Variants in CTNNA2 observed in about 807,000 individuals in gnomAD.
CTNNA2 encodes catenin alpha-2.
CTNNA2 carries 42 observed loss-of-function variants against 101.0 expected under a neutral mutation model. That is an observed-to-expected ratio of 0.42 (90% CI 0.32 to 0.54). The LOEUF (loss-of-function observed/expected upper bound fraction) is 0.54, where lower values mean the gene tolerates loss of function less well. Among genes scored for constraint, CTNNA2 ranks in the 20% least tolerant of loss-of-function variants. CTNNA2 has a pLI of 0.14. For synonymous variants in CTNNA2, 450 were observed against 456.4 expected (o/e 0.99, Z 0.18); for missense variants, 871 against 1,223.1 (o/e 0.71, Z 4.29).
At chr2:79,727,127 T>A (rs1212500797) in intron 2 of CTNNA2, among the ~76,000 whole-genome samples, 1 of 152,240 alleles carries the variant, frequency 6.6e-6, no homozygotes, top group Non-Finnish European at 1.5e-5. Flanking sequence ...TGAAAAATTG[T>A]TTTGCACATT....
chr2:79,464,522 T>C (rs1210657570), intron 4 of CTNNA2, among the ~76,000 whole-genome samples: 1 of 152,182 alleles, frequency 6.6e-6, no homozygotes, highest in Non-Finnish European at 1.5e-5. Context: ...CTGGGTCAAA[T>C]GGTATTTCTA....
At chr2:79,411,873 AG>A (rs1678415997) in intron 4 of CTNNA2, among the ~76,000 whole-genome samples, 1 of 152,184 alleles carries the variant, frequency 6.6e-6, no homozygotes, top group Admixed American at 6.6e-5. Context: ...TCATAATGAC[AG>A]AATCAAATTC....
chr2:80,566,800 G>C (rs1246111176), intron 12 of CTNNA2, among the ~76,000 whole-genome samples: 1 of 152,188 alleles, frequency 6.6e-6, no homozygotes, highest in African/African-American at 2.4e-5. Flanking sequence ...TCAAAGATCA[G>C]TGTGCATGCC....
At chr2:79,631,357 G>T (rs1176768576) in intron 1 of CTNNA2, among the ~76,000 whole-genome samples, 1 of 152,010 alleles carries the variant, frequency 6.6e-6, no homozygotes, top group Non-Finnish European at 1.5e-5. Flanking sequence ...CACTCATTTC[G>T]TATGTGAGGA....
intron 1 of CTNNA2, among the ~76,000 whole-genome samples, chr2:79,605,237 A>C (rs1294981551): frequency 2.6e-5 from 4 of 152,156 alleles, no homozygotes; most frequent in Non-Finnish European, 5.9e-5. Context: ...CTAGTGGTAG[A>C]TTCGCCATGA....
At chr2:79,272,993 T>A (rs978640477) in intron 2 of CTNNA2, among the ~76,000 whole-genome samples, 3 of 152,076 alleles carry the variant, frequency 2.0e-5, no homozygotes, top group Non-Finnish European at 4.4e-5. Flanking sequence ...AAAAGTATAA[T>A]GTTAGGTGGC....
chr2:79,287,246 C>T (rs1480638063), intron 2 of CTNNA2, among the ~76,000 whole-genome samples: 1 of 152,206 alleles, frequency 6.6e-6, no homozygotes, highest in Admixed American at 6.5e-5. Context: ...AAGCCTTCTT[C>T]TCTCAGCTCG....
At chr2:80,621,729 T>C (rs1356776147) in intron 18 of CTNNA2, among the ~76,000 whole-genome samples, 1 of 151,374 alleles carries the variant, frequency 6.6e-6, no homozygotes, top group East Asian at 2.0e-4. Flanking sequence ...AAGTAGGGAA[T>C]TGGTGAGTAT....
chr2:80,074,847 C>T (rs955955643), intron 7 of CTNNA2, among the ~76,000 whole-genome samples: 1 of 152,170 alleles, frequency 6.6e-6, no homozygotes, highest in Non-Finnish European at 1.5e-5. Context: ...CTAAGCCTTA[C>T]AAATATCTTA....
chr2:79,663,089 C>G (rs918020981), intron 2 of CTNNA2, among the ~76,000 whole-genome samples: 14 of 152,234 alleles, frequency 9.2e-5, no homozygotes, highest in Admixed American at 2.0e-4. Context: ...CTTCAGCCCA[C>G]AGTTTTTCAC....
intron 8 of CTNNA2, among the ~76,000 whole-genome samples, chr2:80,402,429 T>C (rs1235687693): frequency 1.3e-5 from 2 of 152,152 alleles, no homozygotes; most frequent in South Asian, 2.1e-4. Flanking sequence ...AGTTCTCACC[T>C]TCTAATCACA....
intron 3 of CTNNA2, among the ~76,000 whole-genome samples, chr2:79,827,697 A>G (rs1452671564): frequency 2.0e-5 from 3 of 152,204 alleles, no homozygotes; most frequent in Non-Finnish European, 4.4e-5. Flanking sequence ...GTATCATTAT[A>G]TGCCATTGGG....
intron 7 of CTNNA2, among the ~76,000 whole-genome samples, chr2:80,091,052 G>C (rs905060790): frequency 6.6e-6 from 1 of 152,108 alleles, no homozygotes; most frequent in Non-Finnish European, 1.5e-5. Flanking sequence ...ACATATGAGT[G>C]TCAGAGAGGT....
intron 7 of CTNNA2, among the ~76,000 whole-genome samples, chr2:80,363,603 T>A (rs1674630553): frequency 6.6e-6 from 1 of 152,134 alleles, no homozygotes; most frequent in Non-Finnish European, 1.5e-5. Context: ...CTCCTCTATT[T>A]GCGTGAGGAT....
At chr2:79,603,049 AAC>A (rs772477532) in intron 1 of CTNNA2, among the ~76,000 whole-genome samples, 6 of 152,174 alleles carry the variant, frequency 3.9e-5, no homozygotes, top group Non-Finnish European at 8.8e-5. Context: ...CAGTAGTTAA[AAC>A]AAAGGGATAT....
chr2:80,359,222 A>T (rs977666804), intron 7 of CTNNA2, among the ~76,000 whole-genome samples: 4 of 152,166 alleles, frequency 2.6e-5, no homozygotes, highest in Non-Finnish European at 4.4e-5. Context: ...AAATAAATAA[A>T]AAATAAATAA....
chr2:80,024,769 A>C (rs1239452996), intron 7 of CTNNA2, among the ~76,000 whole-genome samples: 1 of 152,172 alleles, frequency 6.6e-6, no homozygotes, highest in African/African-American at 2.4e-5. Context: ...GTGCTCCTTT[A>C]GCATTCGATG....
At chr2:79,431,457 G>A (rs1000924470) in intron 4 of CTNNA2, among the ~76,000 whole-genome samples, 2 of 152,042 alleles carry the variant, frequency 1.3e-5, no homozygotes, top group African/African-American at 4.8e-5. Flanking sequence ...GACTAAAAGG[G>A]CACTTTTGAA....
At chr2:80,013,868 T>TA (rs1693953051) in intron 7 of CTNNA2, among the ~76,000 whole-genome samples, 1 of 152,184 alleles carries the variant, frequency 6.6e-6, no homozygotes, top group Non-Finnish European at 1.5e-5. Context: ...CTCTGCTGGC[T>TA]CCTCCTCCAG....
Sources: gnomAD v4.1 joint callset for allele counts (sites outside exome capture counted in the v4.1 genomes callset) on GRCh38, gnomAD v4.1.1 for gene constraint, MANE v1.5 for transcripts, NCBI Gene and HGNC (gene_info 2026-07-23, HGNC 2026-07-21) for gene names.